The following SRBD1 variants were observed in gnomAD, a reference collection of about 807,000 sequenced individuals.
The protein encoded by SRBD1 is S1 RNA binding domain 1.
Under a neutral mutation model 115.3 loss-of-function variants are expected in SRBD1, and 88 were observed. The ratio of observed to expected loss-of-function variants is 0.76; its 90% CI spans 0.64 to 0.91. SRBD1 has a LOEUF of 0.91. Among genes scored for constraint, SRBD1 ranks in the 40% least tolerant of loss-of-function variants. The pLI, the probability that SRBD1 is intolerant of heterozygous loss-of-function variation, is 0.00. For missense variants in SRBD1, 1,385 were observed against 1,177.4 expected (o/e 1.18, Z -2.58); for synonymous variants, 509 against 407.7 (o/e 1.25, Z -2.99).
chr2:45,532,646 A>T (rs1356092487), intron 14 of SRBD1, among the ~76,000 whole-genome samples: 2 of 151,802 alleles, frequency 1.3e-5, no homozygotes, highest in Non-Finnish European at 2.9e-5. Context: ...TCAAAATGCA[A>T]GTGCTATGAA....
intron 1 of SRBD1, among the ~76,000 whole-genome samples, chr2:45,609,755 T>C (rs1003574894): frequency 1.2e-4 from 19 of 152,182 alleles, no homozygotes; most frequent in Non-Finnish European, 2.4e-4. Flanking sequence ...TAAAATAGGT[T>C]TCTCAATTAT....
At chr2:45,492,398 G>C (rs760983516) in intron 14 of SRBD1, among the ~76,000 whole-genome samples, 5 of 152,132 alleles carry the variant, frequency 3.3e-5, no homozygotes, top group African/African-American at 7.2e-5. Context: ...AGATGGGAAG[G>C]TGAGATTATT....
At chr2:45,398,125 A>T (rs1031685041) in intron 19 of SRBD1, among the ~76,000 whole-genome samples, 1 of 152,206 alleles carries the variant, frequency 6.6e-6, no homozygotes, top group African/African-American at 2.4e-5. Flanking sequence ...GAAAGGGCAA[A>T]GAATTATCCA....
chr2:45,404,952 G>A (rs1304318608), intron 19 of SRBD1, among the ~76,000 whole-genome samples: 1 of 151,980 alleles, frequency 6.6e-6, no homozygotes, highest in Admixed American at 6.6e-5. Flanking sequence ...TCTTTCTCTA[G>A]ATATCTGCAC....
chr2:45,428,201 C>G (rs1668215962), intron 16 of SRBD1, among the ~76,000 whole-genome samples: 2 of 152,202 alleles, frequency 1.3e-5, no homozygotes, highest in Non-Finnish European at 2.9e-5. Context: ...GAAACTCACT[C>G]AAAACCACAC....
At chr2:45,573,418 G>T in intron 8 of SRBD1, 76 bp from the exon 9 acceptor site, 1 of 1,481,112 alleles carries the variant, frequency 6.8e-7, no homozygotes. Context: ...TAGAAATAAG[G>T]ATAGCAAAAA....
At chr2:45,454,673 C>A (rs758919692) in intron 16 of SRBD1, among the ~76,000 whole-genome samples, 5 of 151,888 alleles carry the variant, frequency 3.3e-5, no homozygotes, top group Admixed American at 2.6e-4. Context: ...CAAACTCAAG[C>A]GATAGTCTGC....
intron 15 of SRBD1, among the ~76,000 whole-genome samples, chr2:45,478,684 T>C (rs1572684824): frequency 6.6e-6 from 1 of 152,186 alleles, no homozygotes; most frequent in East Asian, 1.9e-4. Context: ...CTAAAGCAAA[T>C]ATTATTTCTT....
chr2:45,410,484 T>C (rs573105007), intron 19 of SRBD1, among the ~76,000 whole-genome samples: 11 of 152,282 alleles, frequency 7.2e-5, no homozygotes, highest in African/African-American at 2.4e-4. Context: ...ATAAGCAAGG[T>C]TCATGTGATA....
chr2:45,389,480 C>T lies in SRBD1; in HGVS notation c.2818G>A (p.Val940Met). The change falls in exon 21 of 21, where the codon GTG (valine) becomes ATG (methionine). Residue 940 changes from valine to methionine, a missense_variant. By Grantham distance (21) the Val-to-Met change is conservative (BLOSUM62 1). Transcript: ENST00000263736. ...ATGGGAATCAGCCCAGATTTCCCCA[C>T]TCCTATATCCACAAAAATTCCAAAG... Reference protein sequence around the residue: ...TLFGIFVDIGVGKSGLIPIRN... With the variant: ...TLFGIFVDIGMGKSGLIPIRN... The T allele has an allele frequency of 6.2e-7, 1 of 1,614,102 alleles. No individual in the cohort carries two copies. The highest frequency in any genetic ancestry group is 8.5e-7 in the Non-Finnish European group (1 of 1,179,960).
At chr2:45,487,921 G>A (rs143086689) in intron 15 of SRBD1, among the ~76,000 whole-genome samples, 2 of 152,018 alleles carry the variant, frequency 1.3e-5, no homozygotes, top group Non-Finnish European at 2.9e-5. Flanking sequence ...CAAAGTGCTG[G>A]GATTACAGGT....
chr2:45,545,133 A>G (rs1451334691), intron 14 of SRBD1, among the ~76,000 whole-genome samples: 1 of 151,642 alleles, frequency 6.6e-6, no homozygotes, highest in African/African-American at 2.4e-5. Flanking sequence ...ACAAAAAATT[A>G]GCCGGGTGTG....
chr2:45,495,725 CAT>C (rs1670436531), intron 14 of SRBD1, among the ~76,000 whole-genome samples: 1 of 152,120 alleles, frequency 6.6e-6, no homozygotes. Context: ...AAAGCAGGCT[CAT>C]AGAGAGGAAG....
chr2:45,581,883 A>G, intron 5 of SRBD1, 73 bp from the exon 6 acceptor site: 1 of 1,234,246 alleles, frequency 8.1e-7, no homozygotes. Context: ...CCTCAAACTT[A>G]CAGAAAAGTT....
At chr2:45,456,406 G>C (rs554630694) in intron 16 of SRBD1, among the ~76,000 whole-genome samples, 32 of 151,840 alleles carry the variant, frequency 2.1e-4, no homozygotes, top group Non-Finnish European at 8.8e-5. Context: ...TTGTTTTCTT[G>C]ACAGTTAAGT....
intron 5 of SRBD1, among the ~76,000 whole-genome samples, chr2:45,584,248 G>A (rs930447454): frequency 6.6e-6 from 1 of 152,238 alleles, no homozygotes; most frequent in Non-Finnish European, 1.5e-5. Context: ...AACCCTGCAT[G>A]ACAGTAATCT....
intron 16 of SRBD1, among the ~76,000 whole-genome samples, chr2:45,420,550 C>T (rs961926564): frequency 1.3e-5 from 2 of 152,174 alleles, no homozygotes; most frequent in South Asian, 4.1e-4. Flanking sequence ...TGAAAGAGCT[C>T]TTTAGACTTA....
chr2:45,436,913 A>T (rs1188613753), intron 16 of SRBD1, among the ~76,000 whole-genome samples: 1 of 152,210 alleles, frequency 6.6e-6, no homozygotes, highest in Non-Finnish European at 1.5e-5. Flanking sequence ...ATACGTGATC[A>T]CAGCAAGGTT....
intron 16 of SRBD1, among the ~76,000 whole-genome samples, chr2:45,441,694 G>A (rs1054952263): frequency 7.2e-5 from 11 of 152,166 alleles, no homozygotes; most frequent in African/African-American, 2.7e-4. Context: ...TGGGAATTTG[G>A]TTTAAGAAAA....
Sources: allele counts gnomAD v4.1 joint callset (sites outside exome capture counted in the v4.1 genomes callset), GRCh38; gene constraint gnomAD v4.1.1; transcripts MANE v1.5; gene names NCBI Gene and HGNC (gene_info 2026-07-23, HGNC 2026-07-21).